MARCHF3: variants seen among roughly 807,000 people sequenced by gnomAD.
The protein encoded by MARCHF3 is E3 ubiquitin-protein ligase MARCHF3.
MARCHF3 carries 13 observed loss-of-function variants against 24.2 expected under a neutral mutation model. The observed-to-expected ratio is 0.54, with a 90% CI of 0.35 to 0.85. The LOEUF is 0.85. Ranked by LOEUF, MARCHF3 falls within the 40% of genes least tolerant of loss-of-function variation. MARCHF3 has a pLI of 0.01. For synonymous variants in MARCHF3, 144 were observed against 137.3 expected, an observed-to-expected ratio of 1.05 and a Z score of -0.34; for missense variants, 276 against 325.0, an observed-to-expected ratio of 0.85 and a Z score of 1.16.
At chr5:126,945,701 G>A (rs1177195590) in intron 1 of MARCHF3, among the ~76,000 whole-genome samples, 1 of 152,158 alleles carries the variant, frequency 6.6e-6, no homozygotes, top group Non-Finnish European at 1.5e-5. Context: ...GTAAGTATGG[G>A]GTCTGAGTTC....
At chr5:126,976,033 CCTT>C (rs981477123) in intron 1 of MARCHF3, among the ~76,000 whole-genome samples, 1 of 152,154 alleles carries the variant, frequency 6.6e-6, no homozygotes, top group African/African-American at 2.4e-5. Flanking sequence ...CAAAAAAGCT[CCTT>C]CAACCAGGTT....
At chr5:126,896,271 G>A (rs1345627858) in intron 3 of MARCHF3, among the ~76,000 whole-genome samples, 1 of 152,136 alleles carries the variant, frequency 6.6e-6, no homozygotes, top group South Asian at 2.1e-4. Flanking sequence ...ACCGTCTTCT[G>A]TGTCACTCAG....
intron 1 of MARCHF3, among the ~76,000 whole-genome samples, chr5:126,920,953 A>G (rs942179146): frequency 6.6e-6 from 1 of 151,882 alleles, no homozygotes; most frequent in Non-Finnish European, 1.5e-5. Flanking sequence ...CTGGGCACTG[A>G]GTTTAGCATA....
At chr5:126,915,742 G>A (rs1754706430) in intron 2 of MARCHF3, among the ~76,000 whole-genome samples, 1 of 152,178 alleles carries the variant, frequency 6.6e-6, no homozygotes, top group Non-Finnish European at 1.5e-5. Context: ...AGCGAGTAAT[G>A]AGTATGTCCC....
At position 126,989,331 on chromosome 5, in the gene MARCHF3, C is replaced by CTAA. The variant is rs1491178892; in HGVS notation, c.-57+41018_-57+41019insTTA. Among the ~76,000 whole-genome samples the CTAA allele has an allele frequency of 4.8e-3, 678 of 142,260 alleles. 7 individuals carry two copies. The highest frequency in any genetic ancestry group is 0.017 in the African/African-American group (657 of 37,592). 93.3% of individuals were successfully genotyped at this position (142,260 alleles called of 152,430 possible). On this transcript the variant is annotated intron_variant, in intron 1 of 4. Transcript: ENST00000308660. ...AGTACTACTACTACTACTACTACTA[C>CTAA]TACTACTAATAATAATAATAATATT... is the stretch of plus-strand genomic sequence containing the variant.
In MARCHF3 at chr5:126,994,394, T is replaced by A. The variant is rs149806803; in HGVS notation, c.-57+35956A>T. 2.7e-3 allele frequency among the ~76,000 whole-genome samples: 416 copies of A among 151,872 alleles called. 4 individuals are homozygous for A. Among genetic ancestry groups the A allele is most frequent in the African/African-American group, 9.6e-3 (398 of 41,404 alleles). On this transcript the variant is annotated intron_variant, in intron 1 of 4. Transcript: ENST00000308660. ...AAAGGGGATGAGAGCACCTAGGGGG[T>A]AGGGGGATGATGGCACTGTTCTATA...
intron 2 of MARCHF3, among the ~76,000 whole-genome samples, chr5:126,916,647 G>T (rs1271116563): frequency 1.4e-5 from 2 of 146,840 alleles, no homozygotes; most frequent in African/African-American, 2.5e-5. Flanking sequence ...TTACAGTACC[G>T]CATGGTGGGA....
At chr5:126,873,541 A>T (rs1001342805) in intron 4 of MARCHF3, among the ~76,000 whole-genome samples, 2 of 152,132 alleles carry the variant, frequency 1.3e-5, no homozygotes, top group Non-Finnish European at 2.9e-5. Flanking sequence ...TTTGGGCCCC[A>T]CCCAGACCTA....
chr5:127,026,097 T>TAA (rs76667904), intron 1 of MARCHF3, among the ~76,000 whole-genome samples: 1 of 138,194 alleles, frequency 7.2e-6, no homozygotes. Flanking sequence ...ATGCCATAGC[T>TAA]AAAAAAAAAA....
chr5:126,909,281 G>T (rs1475745956), intron 3 of MARCHF3, among the ~76,000 whole-genome samples: 3 of 152,236 alleles, frequency 2.0e-5, no homozygotes, highest in Non-Finnish European at 4.4e-5. Context: ...TTGTTTGTCT[G>T]TGCCCTGCAC....
intron 3 of MARCHF3, among the ~76,000 whole-genome samples, chr5:126,895,854 C>CG (rs1440861539): frequency 6.6e-6 from 1 of 152,152 alleles, no homozygotes; most frequent in Non-Finnish European, 1.5e-5. Flanking sequence ...TTGGAGCTTC[C>CG]GGGCTGCTTT....
intron 1 of MARCHF3, among the ~76,000 whole-genome samples, chr5:126,990,167 C>A (rs1751702787): frequency 6.8e-6 from 1 of 147,818 alleles, no homozygotes; most frequent in African/African-American, 2.5e-5. Context: ...CTACAGTAAC[C>A]AAAACAGCAT....
intron 3 of MARCHF3, among the ~76,000 whole-genome samples, chr5:126,896,726 C>G (rs1753933723): frequency 6.6e-6 from 1 of 152,064 alleles, no homozygotes; most frequent in Admixed American, 6.6e-5. Flanking sequence ...TTGAGACCTT[C>G]TCTCACTTTT....
At chr5:126,877,517 GAAGTTAA>G (rs1216658733) in intron 4 of MARCHF3, among the ~76,000 whole-genome samples, 2 of 152,196 alleles carry the variant, frequency 1.3e-5, no homozygotes, top group Admixed American at 6.5e-5. Context: ...CTTACTGCAT[GAAGTTAA>G]AAGTTAAAAG....
At chr5:126,899,413 G>T in intron 3 of MARCHF3, 2 of 574,070 alleles carry the variant, frequency 3.5e-6, no homozygotes, top group Non-Finnish European at 4.4e-6. Context: ...TCTCACAAGT[G>T]TGTACAGCCA....
At chr5:126,984,040 G>C (rs1302938784) in intron 1 of MARCHF3, among the ~76,000 whole-genome samples, 5 of 152,066 alleles carry the variant, frequency 3.3e-5, no homozygotes, top group Non-Finnish European at 7.4e-5. Flanking sequence ...GATAGGACTG[G>C]GGTGGGGGGA....
chr5:126,891,683 T>C (rs1386264149), intron 3 of MARCHF3, among the ~76,000 whole-genome samples: 99 of 138,440 alleles, frequency 7.2e-4, no homozygotes, highest in Admixed American at 1.2e-3. Context: ...GCTGTTTTGG[T>C]TACTGTAGCC....
At chr5:126,984,567 C>T (rs570083336) in intron 1 of MARCHF3, among the ~76,000 whole-genome samples, 3 of 152,270 alleles carry the variant, frequency 2.0e-5, no homozygotes, top group Non-Finnish European at 2.9e-5. Context: ...CCCCTGAGAG[C>T]CAGCCACTCT....
At position 126,868,669 on chromosome 5, in the gene MARCHF3, C is replaced by T. The variant is rs1752849237; in HGVS notation, c.*1964G>A. The T allele has an allele frequency of 6.6e-6, 1 of 152,184 alleles. No homozygotes were observed. The highest frequency in any genetic ancestry group is 1.5e-5 in the Non-Finnish European group (1 of 68,042). 9.4% of individuals were successfully genotyped at this position (152,184 alleles called of 1,614,324 possible). On this transcript the variant is annotated 3_prime_UTR_variant, in exon 5 of 5. Coordinates refer to ENST00000308660, the MANE Select transcript of MARCHF3 (RefSeq NM_178450.5). ...AGAAACAGGGAGAAGGGGTATGGTC[C>T]TCTCATGAATGTTGTGCCATTCAGT...
Sources: allele counts gnomAD v4.1 joint callset (sites outside exome capture counted in the v4.1 genomes callset), GRCh38; gene constraint gnomAD v4.1.1; transcripts MANE v1.5; gene names NCBI Gene and HGNC (gene_info 2026-07-23, HGNC 2026-07-21).